TNFRSF17: variants seen among roughly 807,000 people sequenced by gnomAD.
TNFRSF17 encodes the protein tumor necrosis factor receptor superfamily member 17.
Under a neutral mutation model 9.9 loss-of-function variants are expected in TNFRSF17, and 13 were observed. The observed-to-expected ratio is 1.31, with a 90% CI of 0.85 to 2.08. The LOEUF (loss-of-function observed/expected upper bound fraction) is 2.08. Among genes scored for constraint, TNFRSF17 ranks in the 30% most tolerant of loss-of-function variants. The probability of loss-of-function intolerance (pLI) is 0.00; values close to 1 mark genes in which losing one functional copy is unlikely to be tolerated. For synonymous variants in TNFRSF17, 99 were observed against 83.7 expected (o/e 1.18, Z -1.00); for missense variants, 305 against 225.8 (o/e 1.35, Z -2.25).
At chr16:11,967,183 G>C (rs889019611) in intron 2 of TNFRSF17, 1 of 194,522 alleles carries the variant, frequency 5.1e-6, no homozygotes, top group Non-Finnish European at 1.1e-5. Context: ...GTACTTTTTG[G>C]TAGAGACAGG....
Position 11,967,625 on chromosome 16 carries a change from T to A in TNFRSF17, c.333T>A (p.Asp111Glu). 6.2e-7 allele frequency: 1 copy of A among 1,614,196 alleles called. No individual in the cohort carries two copies. Among genetic ancestry groups the A allele is most frequent in the Non-Finnish European group, 8.5e-7 (1 of 1,180,042 alleles). ...NIDLEKSRTG[D>E]EIILPRGLEY... ...ACCTGGAAAAGAGCAGGACTGGTGA[T>A]GAAATTATTCTTCCGAGAGGCCTCG... The change falls in exon 3 of 3, where the codon GAT (aspartate) becomes GAA (glutamate). Residue 111 changes from aspartate to glutamate, a missense_variant. Asp to Glu is a conservative substitution (Grantham distance 45). Transcript: ENST00000053243.
rs1166677918 is a variant in TNFRSF17 at position 11,967,576 on chromosome 16, G to A, written c.284G>A (p.Gly95Asp). ...LKDEFKNTGS[G>D]LLGMANIDLE... ...TCCGTTTCTACATAATTAGGATCAG[G>A]TCTCCTGGGCATGGCTAACATTGAC... The change falls in exon 3 of 3, where the codon GGT (glycine) becomes GAT (aspartate). Residue 95 changes from glycine (G) to aspartate (D), a missense_variant. By Grantham distance (94) the Gly-to-Asp change is moderately conservative. Coordinates refer to ENST00000053243, the MANE Select transcript of TNFRSF17 (RefSeq NM_001192.3). 1 of 1,611,798 alleles carries A rather than the reference G, an allele frequency of 6.2e-7. No homozygotes were observed. Among genetic ancestry groups the A allele is most frequent in the South Asian group, 1.1e-5 (1 of 90,946 alleles).
chr16:11,965,313 C>A lies in TNFRSF17; in HGVS notation c.-12C>A. The A allele has an allele frequency of 6.2e-7, 1 of 1,613,820 alleles. No homozygotes were observed. ...GTTCTTTCTGTAGCTCCCTTGTTTT[C>A]TTTTTGTGATCATGTTGCAGATGGC... On this transcript the variant is annotated 5_prime_UTR_variant, in exon 1 of 3. Transcript: ENST00000053243.
rs773558163 is a variant in TNFRSF17 at position 11,967,653 on chromosome 16, T to C, written c.361T>C (p.Tyr121His). 5 of 1,614,178 alleles carry C rather than the reference T, an allele frequency of 3.1e-6. No individual in the cohort carries two copies. The highest frequency in any genetic ancestry group is 4.2e-6 in the Non-Finnish European group (5 of 1,180,046). ...DEIILPRGLE[Y>H]TVEECTCEDC... ...AATTATTCTTCCGAGAGGCCTCGAG[T>C]ACACGGTGGAAGAATGCACCTGTGA... Residue 121 changes from tyrosine to histidine, a missense_variant, in exon 3 of 3, where the codon TAC becomes CAC. Transcript: ENST00000053243.
intron 1 of TNFRSF17, among the ~76,000 whole-genome samples, 181 bp from the exon 2 acceptor site, chr16:11,966,014 G>C (rs2055190392): frequency 6.6e-6 from 1 of 152,146 alleles, no homozygotes; most frequent in Admixed American, 6.6e-5. Flanking sequence ...GGGAGGCTGA[G>C]GCAGGAGAAT....
rs185085849 is a variant in TNFRSF17, at chr16:11,965,403, C to A, written c.79C>A (p.Arg27=). The A allele has an allele frequency of 6.2e-7, 1 of 1,614,094 alleles. No homozygotes were observed. Among genetic ancestry groups the A allele is most frequent in the Non-Finnish European group, 8.5e-7 (1 of 1,179,990 alleles). Residue 27 remains arginine (R), a synonymous_variant, in exon 1 of 3, where the codon CGA becomes AGA. Coordinates refer to ENST00000053243, the MANE Select transcript of TNFRSF17 (RefSeq NM_001192.3). The part of the protein sequence containing the change: ...LLHACIPCQL[R]CSSNTPPLTC... ...GCATGCTTGCATACCTTGTCAACTT[C>A]GATGTTCTTCTAATACTCCTCCTCT...
At position 11,967,554 on chromosome 16, in the gene TNFRSF17, G is replaced by A. The variant is rs751449017; in HGVS notation, c.278-16G>A. The A allele has an allele frequency of 2.7e-5, 43 of 1,603,644 alleles. No homozygotes were observed. Among genetic ancestry groups the A allele is most frequent in the South Asian group, 5.5e-5 (5 of 90,334 alleles). The stretch of plus-strand genomic sequence containing the variant: ...CTGTGAAGTTTGGGTTAATGTTTCC[G>A]TTTCTACATAATTAGGATCAGGTCT... On this transcript the variant is annotated splice_polypyrimidine_tract_variant and intron_variant, in intron 2 of 2. Transcript: ENST00000053243.
chr16:11,967,281 C>T (rs1263533255), intron 2 of TNFRSF17: 2 of 347,248 alleles, frequency 5.8e-6, no homozygotes, highest in South Asian at 9.3e-5. Context: ...GGATTACAGG[C>T]GTGAGCCACA....
Position 11,967,921 on chromosome 16 carries a change from G to T in TNFRSF17, c.*74G>T. ...ATAGATGATGTGTCAGATCTCTTTA[G>T]GATGACTGTATTTTTCAGTTGCCGA... is the stretch of plus-strand genomic sequence containing the variant. On this transcript the variant is annotated 3_prime_UTR_variant, in exon 3 of 3. Coordinates refer to ENST00000053243, the MANE Select transcript of TNFRSF17 (RefSeq NM_001192.3). 6.6e-7 allele frequency: 1 copy of T among 1,515,534 alleles called. No homozygotes were observed. The highest frequency in any genetic ancestry group is 2.0e-4 in the Middle Eastern group (1 of 4,882). The allele number at this position is 1,515,534 out of a possible 1,614,324, so 93.9% of individuals were successfully genotyped here. A position where few individuals can be genotyped will look rare whatever the true frequency, so the allele number is the denominator to read the frequency against.
chr16:11,965,666 T>G (rs2055187701), intron 1 of TNFRSF17, among the ~76,000 whole-genome samples: 1 of 151,732 alleles, frequency 6.6e-6, no homozygotes, highest in African/African-American at 2.4e-5. Context: ...GCAACATAGA[T>G]TTTTTTTAAA....
Position 11,965,316 on chromosome 16 carries a change from T to C in TNFRSF17, c.-9T>C, listed in dbSNP as rs1329925363. 1.2e-6 allele frequency: 2 copies of C among 1,614,152 alleles called. No homozygotes were observed. The highest frequency in any genetic ancestry group is 3.3e-5 in the Admixed American group (2 of 60,016). On this transcript the variant is annotated 5_prime_UTR_variant, in exon 1 of 3. Coordinates refer to ENST00000053243, the MANE Select transcript of TNFRSF17 (RefSeq NM_001192.3). ...CTTTCTGTAGCTCCCTTGTTTTCTT[T>C]TTGTGATCATGTTGCAGATGGCTGG...
In TNFRSF17 at chr16:11,965,467, G is replaced by A; in HGVS notation, c.130+13G>A. On this transcript the variant is annotated intron_variant, in intron 1 of 2. Coordinates refer to ENST00000053243, the MANE Select transcript of TNFRSF17 (RefSeq NM_001192.3). Reference sequence around the variant, plus strand: ...TATTGTAATGCAAGTAAGTAATATTGCTTGAACGATTATTCATTGGTGTGA... The same window carrying A: ...TATTGTAATGCAAGTAAGTAATATTACTTGAACGATTATTCATTGGTGTGA... The A allele has an allele frequency of 6.2e-7, 1 of 1,613,336 alleles. No individual in the cohort carries two copies. The highest frequency in any genetic ancestry group is 8.5e-7 in the Non-Finnish European group (1 of 1,179,476).
At position 11,967,902 on chromosome 16, in the gene TNFRSF17, G is replaced by C; in HGVS notation, c.*55G>C. ...TTAAAAATCTTTTGTCAGAATAGAT[G>C]ATGTGTCAGATCTCTTTAGGATGAC... On this transcript the variant is annotated 3_prime_UTR_variant, in exon 3 of 3. Transcript: ENST00000053243. 6.4e-7 allele frequency: 1 copy of C among 1,573,048 alleles called. No individual in the cohort carries two copies. The highest frequency in any genetic ancestry group is 8.6e-7 in the Non-Finnish European group (1 of 1,156,892).
chr16:11,967,485 T>C, intron 2 of TNFRSF17, 85 bp from the exon 3 acceptor site: 1 of 1,371,874 alleles, frequency 7.3e-7, no homozygotes, highest in South Asian at 1.4e-5. Context: ...TCACATTGCT[T>C]TGAGTCCCGA....
chr16:11,965,473 A>G lies in TNFRSF17; in HGVS notation c.130+19A>G. 1 of 1,612,870 alleles carries G rather than the reference A, an allele frequency of 6.2e-7. No individual in the cohort carries two copies. The highest frequency in any genetic ancestry group is 8.5e-7 in the Non-Finnish European group (1 of 1,179,022). On this transcript the variant is annotated intron_variant, in intron 1 of 2. Transcript: ENST00000053243. Reference sequence around the variant, plus strand: ...AATGCAAGTAAGTAATATTGCTTGAACGATTATTCATTGGTGTGAACTATT... The same window carrying G: ...AATGCAAGTAAGTAATATTGCTTGAGCGATTATTCATTGGTGTGAACTATT...
At position 11,967,692 on chromosome 16, in the gene TNFRSF17, A is replaced by C. The variant is rs1191062821; in HGVS notation, c.400A>C (p.Ser134Arg). The change falls in exon 3 of 3, where the codon AGC becomes CGC. Residue 134 changes from serine (S) to arginine (R), a missense_variant. By Grantham distance (110) the Ser-to-Arg change is moderately radical. Coordinates refer to ENST00000053243, the MANE Select transcript of TNFRSF17 (RefSeq NM_001192.3). Reference sequence around the variant, plus strand: ...ATGCACCTGTGAAGACTGCATCAAGAGCAAACCGAAGGTCGACTCTGACCA... The same window carrying C: ...ATGCACCTGTGAAGACTGCATCAAGCGCAAACCGAAGGTCGACTCTGACCA... ...EECTCEDCIK[S>R]KPKVDSDHCF... is the part of the protein sequence containing the mutation. 6.2e-7 allele frequency: 1 copy of C among 1,614,196 alleles called. No individual in the cohort carries two copies. The highest frequency in any genetic ancestry group is 2.2e-5 in the East Asian group (1 of 44,888).
At position 11,967,783 on chromosome 16, in the gene TNFRSF17, A is replaced by G; in HGVS notation, c.491A>G (p.Tyr164Cys). Residue 164 changes from tyrosine to cysteine, a missense_variant, in exon 3 of 3, where the codon TAT becomes TGT. Transcript: ENST00000053243. ...CTTGTCACCACGAAAACGAATGACTATTGCAAGAGCCTGCCAGCTGCTTTG... is the reference window on the plus strand; with the variant it reads ...CTTGTCACCACGAAAACGAATGACTGTTGCAAGAGCCTGCCAGCTGCTTTG... ...TILVTTKTND[Y>C]CKSLPAALSA... The G allele has an allele frequency of 1.2e-6, 2 of 1,614,216 alleles. No individual in the cohort carries two copies. Among genetic ancestry groups the G allele is most frequent in the Non-Finnish European group, 1.7e-6 (2 of 1,180,038 alleles).
chr16:11,966,464 ACATTGT>A, intron 2 of TNFRSF17, 123 bp downstream of exon 2: 2 of 974,642 alleles, frequency 2.1e-6, no homozygotes, highest in South Asian at 3.7e-5. Flanking sequence ...ATGTGTTAGA[ACATTGT>A]TACATTAAAT....
Position 11,967,885 on chromosome 16 carries a change from C to A in TNFRSF17, c.*38C>A. ...ACTCGAGCAGTGCCACTTTAAAAAT[C>A]TTTTGTCAGAATAGATGATGTGTCA... On this transcript the variant is annotated 3_prime_UTR_variant, in exon 3 of 3. Transcript: ENST00000053243. The A allele has an allele frequency of 6.3e-7, 1 of 1,597,116 alleles. No homozygotes were observed. Among genetic ancestry groups the A allele is most frequent in the Non-Finnish European group, 8.5e-7 (1 of 1,171,036 alleles).
Sources: allele counts gnomAD v4.1 joint callset (sites outside exome capture counted in the v4.1 genomes callset), GRCh38; gene constraint gnomAD v4.1.1; transcripts MANE v1.5; gene names NCBI Gene and HGNC (gene_info 2026-07-23, HGNC 2026-07-21).